The following DCC variants were observed in gnomAD, a reference collection of about 807,000 sequenced individuals.
The protein encoded by DCC is DCC netrin 1 receptor, also known as netrin receptor DCC.
In DCC, 58 loss-of-function variants were observed where a neutral mutation model predicts 172.5. That is an observed-to-expected ratio of 0.34 (90% CI 0.27 to 0.42). The LOEUF (loss-of-function observed/expected upper bound fraction) is 0.42. Among genes scored for constraint, DCC ranks in the 10% least tolerant of loss-of-function variants. DCC has a pLI of 1.00. For synonymous variants in DCC, 709 were observed against 644.5 expected (o/e 1.10, Z -1.52); for missense variants, 1,740 against 1,791.0 (o/e 0.97, Z 0.51).
intron 7 of DCC, among the ~76,000 whole-genome samples, chr18:53,071,106 A>G (rs1369277449): frequency 1.3e-5 from 2 of 152,278 alleles, no homozygotes; most frequent in Admixed American, 6.5e-5. Flanking sequence ...AACCATAACA[A>G]TCTGCTTCTC....
At chr18:52,963,777 A>G (rs1018268071) in intron 5 of DCC, among the ~76,000 whole-genome samples, 19 of 151,130 alleles carry the variant, frequency 1.3e-4, no homozygotes, top group South Asian at 8.3e-4. Flanking sequence ...AGTTACTTAT[A>G]TTATCTGGCA....
intron 21 of DCC, chr18:53,416,378 T>C (rs1344627414): frequency 4.4e-6 from 3 of 685,138 alleles, no homozygotes; most frequent in Non-Finnish European, 5.4e-6. Flanking sequence ...TTGTCTCCAT[T>C]CTGAAGGACC....
Position 53,428,382 on chromosome 18 carries a change from A to G in DCC, c.3164-6762A>G, listed in dbSNP as rs1403739419. Among the ~76,000 whole-genome samples the G allele has an allele frequency of 8.0e-3, 409 of 50,972 alleles. 69 individuals are homozygous for G. The highest frequency in any genetic ancestry group is 0.038 in the Middle Eastern group (2 of 52). The allele number at this position is 50,972 out of a possible 152,430, so 33.4% of individuals were successfully genotyped here. ...TGTATATAATATAATATTATAATAT[A>G]TTGTATATAATATAATATAATATAT... is the stretch of plus-strand genomic sequence containing the variant. On this transcript the variant is annotated intron_variant, in intron 21 of 28. Coordinates refer to ENST00000442544, the MANE Select transcript of DCC (RefSeq NM_005215.4).
In DCC at chr18:52,636,069, C is replaced by G. The variant is rs2018291; in HGVS notation, c.92-115985C>G. 8.3e-4 allele frequency among the ~76,000 whole-genome samples: 126 copies of G among 152,052 alleles called. 1 individual carries two copies. The highest frequency in any genetic ancestry group is 2.9e-3 in the African/African-American group (121 of 41,490). On this transcript the variant is annotated intron_variant, in intron 1 of 28. Transcript: ENST00000442544. ...AGGAGACCCTCCTCTCCTGAACACA[C>G]CCCCCTAACTGGAGAAGCTGAAGTT...
chr18:53,220,367 C>T (rs868116737), intron 12 of DCC, among the ~76,000 whole-genome samples: 2 of 152,102 alleles, frequency 1.3e-5, no homozygotes, highest in Admixed American at 6.6e-5. Flanking sequence ...TTCTAGTCAA[C>T]GTTCATTTCT....
At chr18:52,355,408 C>T (rs1489058837) in intron 1 of DCC, among the ~76,000 whole-genome samples, 1 of 152,072 alleles carries the variant, frequency 6.6e-6, no homozygotes, top group Non-Finnish European at 1.5e-5. Context: ...CACGTGGGTG[C>T]AAATCTTGGC....
chr18:53,355,151 A>C (rs1382388953), intron 15 of DCC, among the ~76,000 whole-genome samples: 1 of 152,166 alleles, frequency 6.6e-6, no homozygotes, highest in Non-Finnish European at 1.5e-5. Flanking sequence ...TTTTGGTACC[A>C]GTACCAGGCT....
chr18:53,352,008 CAGTAA>C (rs562521837), intron 15 of DCC, among the ~76,000 whole-genome samples: 4 of 151,890 alleles, frequency 2.6e-5, no homozygotes, highest in Admixed American at 6.6e-5. Context: ...TTGTAATAAA[CAGTAA>C]AGACTTGACT....
intron 1 of DCC, among the ~76,000 whole-genome samples, chr18:52,744,231 T>G (rs1162369137): frequency 6.6e-6 from 1 of 152,196 alleles, no homozygotes; most frequent in African/African-American, 2.4e-5. Context: ...GTTTTTCATA[T>G]GAAATTCTAA....
intron 20 of DCC, among the ~76,000 whole-genome samples, chr18:53,415,623 A>G (rs1175058054): frequency 2.0e-5 from 3 of 152,288 alleles, no homozygotes; most frequent in African/African-American, 7.2e-5. Context: ...CTCAGGAGCT[A>G]TCTTCACAAG....
chr18:53,069,293 C>A (rs763748175), intron 7 of DCC, among the ~76,000 whole-genome samples: 1 of 152,154 alleles, frequency 6.6e-6, no homozygotes, highest in African/African-American at 2.4e-5. Flanking sequence ...GGCTGGAAAC[C>A]ACCTGGAGCT....
intron 7 of DCC, among the ~76,000 whole-genome samples, chr18:53,088,785 C>T (rs1056981690): frequency 6.6e-6 from 1 of 152,080 alleles, no homozygotes; most frequent in African/African-American, 2.4e-5. Context: ...TTTTTATTCC[C>T]AGCAATGATT....
chr18:53,014,912 T>C (rs2041787417), intron 5 of DCC, among the ~76,000 whole-genome samples: 1 of 152,164 alleles, frequency 6.6e-6, no homozygotes, highest in Non-Finnish European at 1.5e-5. Flanking sequence ...CTCCATTTAA[T>C]TTAATTCCCA....
intron 2 of DCC, among the ~76,000 whole-genome samples, chr18:52,892,199 A>C (rs2039660765): frequency 6.6e-6 from 1 of 152,110 alleles, no homozygotes; most frequent in African/African-American, 2.4e-5. Context: ...TATTACCATC[A>C]GGAAAGGTCA....
chr18:52,340,633 G>C lies in DCC; in HGVS notation c.-155G>C. The C allele has an allele frequency of 2.7e-6, 2 of 751,752 alleles. No individual in the cohort carries two copies. Among genetic ancestry groups the C allele is most frequent in the Admixed American group, 1.8e-5 (1 of 56,916 alleles). The allele number at this position is 751,752 out of a possible 1,614,324, so 46.6% of individuals were successfully genotyped here. A position where few individuals can be genotyped will look rare whatever the true frequency, so the allele number is the denominator to read the frequency against. On this transcript the variant is annotated 5_prime_UTR_variant, in exon 1 of 29. Transcript: ENST00000442544. ...CTTCGAAGGCAGCAGAGGCGCAGGG[G>C]AGGTGGAGAAAGAGGTGGAGGAAGA...
In DCC at chr18:52,781,409, A is replaced by G. The variant is rs572903062; in HGVS notation, c.412+29035A>G. Among the ~76,000 whole-genome samples, 13 of 27,460 alleles carry G rather than the reference A, an allele frequency of 4.7e-4. No homozygotes were observed. In the South Asian group the frequency reaches 0.033, roughly 69 times the overall value. The allele number at this position is 27,460 out of a possible 152,430, so 18.0% of individuals were successfully genotyped here. A position where few individuals can be genotyped will look rare whatever the true frequency, so the allele number is the denominator to read the frequency against. On this transcript the variant is annotated intron_variant, in intron 2 of 28. Transcript: ENST00000442544. ...CTCCAACAGGATCCACCAAACTGCT[A>G]TCTGAGCTTGATTACAAGTCATCAT...
Position 53,339,752 on chromosome 18 carries a change from G to T in DCC, c.2204G>T (p.Arg735Met), listed in dbSNP as rs768507327. Residue 735 changes from arginine to methionine, a missense_variant, in exon 15 of 29, where the codon AGG becomes ATG. Physicochemically the swap from Arg to Met is moderately conservative, Grantham distance 91 (BLOSUM62 -1). Around this residue, in one of 2 missense-constraint regions of DCC, gnomAD observed 1,732 missense variants for 1,767.4 expected, o/e 0.98. Coordinates refer to ENST00000442544, the MANE Select transcript of DCC (RefSeq NM_005215.4). ...VPDQPSSLHV[R>M]PQTNCIIMSW... is the part of the protein sequence containing the mutation. ...GATCAACCAAGCTCTCTTCATGTGAGGCCCCAGACTAACTGCATCATCATG... is the reference window on the plus strand; with the variant it reads ...GATCAACCAAGCTCTCTTCATGTGATGCCCCAGACTAACTGCATCATCATG... 1 of 1,613,924 alleles carries T rather than the reference G, an allele frequency of 6.2e-7. No homozygotes were observed. Among genetic ancestry groups the T allele is most frequent in the Non-Finnish European group, 8.5e-7 (1 of 1,179,952 alleles).
chr18:53,300,370 C>T (rs1475143981), intron 12 of DCC, among the ~76,000 whole-genome samples: 5 of 152,090 alleles, frequency 3.3e-5, no homozygotes, highest in Non-Finnish European at 2.9e-5. Flanking sequence ...ATACTGTAAA[C>T]AAGCACCCTT....
intron 2 of DCC, among the ~76,000 whole-genome samples, chr18:52,774,950 C>G (rs777072683): frequency 1.1e-4 from 16 of 152,164 alleles, no homozygotes; most frequent in South Asian, 2.1e-4. Flanking sequence ...AGAGCCATTT[C>G]AAACCATGTG....
Sources: gnomAD v4.1 joint callset for allele counts (sites outside exome capture counted in the v4.1 genomes callset) on GRCh38, gnomAD v4.1.1 for gene constraint, gnomAD v4.1.1 regional missense constraint, MANE v1.5 for transcripts, NCBI Gene and HGNC (gene_info 2026-07-23, HGNC 2026-07-21) for gene names.